The following DAGLA variants were observed in gnomAD, a reference collection of about 807,000 sequenced individuals.
DAGLA encodes diacylglycerol lipase-alpha.
DAGLA carries 22 observed loss-of-function variants against 102.6 expected under a neutral mutation model. That is an observed-to-expected ratio of 0.21 (90% CI 0.15 to 0.31). The LOEUF is 0.31. Among genes scored for constraint, DAGLA ranks in the 10% least tolerant of loss-of-function variants. DAGLA has a pLI of 1.00. For synonymous variants in DAGLA, 578 were observed against 628.9 expected, an observed-to-expected ratio of 0.92 and a Z score of 1.21; for missense variants, 927 against 1,446.6, an observed-to-expected ratio of 0.64 and a Z score of 5.83.
At chr11:61,691,900 T>C (rs2065027427) in intron 1 of DAGLA, among the ~76,000 whole-genome samples, 1 of 152,114 alleles carries the variant, frequency 6.6e-6, no homozygotes, top group Non-Finnish European at 1.5e-5. Flanking sequence ...TGAGGAGTGT[T>C]AGGAGGTGAC....
At chr11:61,696,652 G>A (rs112687416) in intron 1 of DAGLA, among the ~76,000 whole-genome samples, 4,431 of 152,140 alleles carry the variant, frequency 0.029, 85 homozygotes, top group Non-Finnish European at 0.04. Context: ...GTCAGCACCC[G>A]GATCCAAAGA....
chr11:61,740,447 T>C lies in DAGLA; in HGVS notation c.1854-16T>C, dbSNP rs773850723. 6.2e-7 allele frequency: 1 copy of C among 1,612,574 alleles called. No individual in the cohort carries two copies. The highest frequency in any genetic ancestry group is 1.7e-5 in the Admixed American group (1 of 59,990). On this transcript the variant is annotated splice_polypyrimidine_tract_variant and intron_variant, in intron 17 of 19. Transcript: ENST00000257215. ...CCACCCCACCCTTAACTCCCCTCTG[T>C]CCATGTCCCTCTCAGCTGCTGTGAG...
intron 1 of DAGLA, among the ~76,000 whole-genome samples, chr11:61,708,386 T>TC (rs2065167183): frequency 6.8e-6 from 1 of 146,206 alleles, no homozygotes; most frequent in African/African-American, 2.5e-5. Context: ...CTTTACAACT[T>TC]TTTTTTTTTT....
In DAGLA at chr11:61,701,534, T is replaced by C. The variant is rs2065110350; in HGVS notation, c.-44-18578T>C. On this transcript the variant is annotated intron_variant, in intron 1 of 19. Coordinates refer to ENST00000257215, the MANE Select transcript of DAGLA (RefSeq NM_006133.3). The stretch of plus-strand genomic sequence containing the variant: ...TGAGCCCCCATGTGGTGGGGATGTG[T>C]GCGCGCAGGGGCCCAAGGCTCTGCT... Among the ~76,000 whole-genome samples, 3 of 152,176 alleles carry C rather than the reference T, an allele frequency of 2.0e-5. 1 individual carries two copies. The South Asian group carries it at 6.2e-4, about 32-fold the overall frequency.
At chr11:61,712,957 A>G (rs2065207099) in intron 1 of DAGLA, among the ~76,000 whole-genome samples, 1 of 152,098 alleles carries the variant, frequency 6.6e-6, no homozygotes, top group Admixed American at 6.5e-5. Flanking sequence ...CGTGCAAACC[A>G]TTTTGCCTCT....
At chr11:61,735,359 G>A (rs1214616500) in intron 10 of DAGLA, among the ~76,000 whole-genome samples, 2 of 152,170 alleles carry the variant, frequency 1.3e-5, no homozygotes, top group Admixed American at 1.3e-4. Flanking sequence ...CCAGCAAGGA[G>A]CGGGGAGGGC....
rs762728145 is a variant in DAGLA, at chr11:61,737,325, G to T, written c.1514+1G>T. 1 of 1,610,208 alleles carries T rather than the reference G, an allele frequency of 6.2e-7. No homozygotes were observed. Among genetic ancestry groups the T allele is most frequent in the Non-Finnish European group, 8.5e-7 (1 of 1,180,012 alleles). ...ACTCCCCGCCAGGGGGCCTGCTGAG[G>T]TGAGCCATCTGGGGCTTCAGAGTTG... On this transcript the variant is annotated splice_donor_variant, in intron 14 of 19. Transcript: ENST00000257215. LOFTEE classifies it high-confidence loss of function.
intron 2 of DAGLA, among the ~76,000 whole-genome samples, 170 bp downstream of exon 2, chr11:61,720,420 CCTG>C (rs895193596): frequency 5.9e-5 from 9 of 152,198 alleles, no homozygotes; most frequent in African/African-American, 2.2e-4. Context: ...CAATGACACC[CCTG>C]CTACCATTGC....
rs1358091747 is a variant in DAGLA at position 61,741,325 on chromosome 11, C to T, written c.2147C>T (p.Ala716Val). 5.0e-6 allele frequency: 8 copies of T among 1,608,856 alleles called. No individual in the cohort carries two copies. The highest frequency in any genetic ancestry group is 4.0e-5 in the African/African-American group (3 of 75,036). Reference protein sequence around the residue: ...PTGLALELPTADHRNSSVRSK... With the variant: ...PTGLALELPTVDHRNSSVRSK... ...GGCCTTGCCCTGGAGCTGCCGACTGCAGACCACCGCAACAGCAGCGTCAGG... is the reference window on the plus strand; with the variant it reads ...GGCCTTGCCCTGGAGCTGCCGACTGTAGACCACCGCAACAGCAGCGTCAGG... The change falls in exon 19 of 20, where the codon GCA (alanine) becomes GTA (valine). Residue 716 changes from alanine to valine, a missense_variant. Transcript: ENST00000257215.
chr11:61,709,416 T>G (rs989576029), intron 1 of DAGLA, among the ~76,000 whole-genome samples: 1 of 152,144 alleles, frequency 6.6e-6, no homozygotes, highest in Non-Finnish European at 1.5e-5. Flanking sequence ...GCTAATTTTT[T>G]GTAGAGACGG....
intron 1 of DAGLA, among the ~76,000 whole-genome samples, chr11:61,706,226 C>T (rs2065148138): frequency 1.3e-5 from 2 of 152,218 alleles, no homozygotes; most frequent in South Asian, 2.1e-4. Flanking sequence ...GGAAGGGACT[C>T]AGGATCAAAT....
At chr11:61,705,963 G>A (rs951396501) in intron 1 of DAGLA, among the ~76,000 whole-genome samples, 1 of 152,204 alleles carries the variant, frequency 6.6e-6, no homozygotes, top group Non-Finnish European at 1.5e-5. Context: ...TTGCTCCTGG[G>A]CCAGCCCAGC....
At chr11:61,688,452 C>T (rs762973728) in intron 1 of DAGLA, among the ~76,000 whole-genome samples, 23 of 152,200 alleles carry the variant, frequency 1.5e-4, no homozygotes, top group Admixed American at 3.3e-4. Context: ...CACCCCAGCC[C>T]GGCAGATGAA....
At position 61,743,952 on chromosome 11, in the gene DAGLA, C is replaced by T. The variant is rs771392987; in HGVS notation, c.2592C>T (p.Gly864=). 9.3e-6 allele frequency: 15 copies of T among 1,611,860 alleles called. No homozygotes were observed. The highest frequency in any genetic ancestry group is 5.0e-5 in the Admixed American group (3 of 60,010). ...QPLEAALGSG[G]VTPERPPSAA... is the part of the protein sequence containing the mutation. ...TGGAGGCGGCCCTGGGCAGTGGCGG[C>T]GTCACTCCTGAGCGGCCCCCCAGTG... is the stretch of plus-strand genomic sequence containing the variant. The change falls in exon 20 of 20, where the codon GGC becomes GGT. Residue 864 remains glycine (G), a synonymous_variant. Transcript: ENST00000257215.
chr11:61,711,255 T>A (rs755256504), intron 1 of DAGLA, among the ~76,000 whole-genome samples: 15 of 152,098 alleles, frequency 9.9e-5, no homozygotes, highest in African/African-American at 1.4e-4. Flanking sequence ...GGCTTGGAGA[T>A]CCAGGCTGCC....
intron 1 of DAGLA, among the ~76,000 whole-genome samples, chr11:61,716,633 C>T (rs774570045): frequency 6.6e-6 from 1 of 152,132 alleles, no homozygotes; most frequent in Non-Finnish European, 1.5e-5. Context: ...TGCGTGGATT[C>T]AGAGAGGGCG....
intron 1 of DAGLA, among the ~76,000 whole-genome samples, chr11:61,703,626 T>C (rs1030394674): frequency 2.6e-5 from 4 of 152,052 alleles, no homozygotes; most frequent in African/African-American, 4.8e-5. Context: ...CTAAGTGTGA[T>C]GAACAGTGTA....
chr11:61,709,404 C>T (rs2065175696), intron 1 of DAGLA, among the ~76,000 whole-genome samples: 1 of 152,136 alleles, frequency 6.6e-6, no homozygotes, highest in South Asian at 2.1e-4. Context: ...CCACCACGCC[C>T]CGCTAATTTT....
At chr11:61,689,508 CTT>C (rs199969886) in intron 1 of DAGLA, among the ~76,000 whole-genome samples, 5 of 114,042 alleles carry the variant, frequency 4.4e-5, no homozygotes, top group Admixed American at 1.0e-4. Context: ...GTTTCCTCAT[CTT>C]TTTTTTTTTT....
Sources: allele counts gnomAD v4.1 joint callset (sites outside exome capture counted in the v4.1 genomes callset), GRCh38; gene constraint gnomAD v4.1.1; transcripts MANE v1.5; gene names NCBI Gene and HGNC (gene_info 2026-07-23, HGNC 2026-07-21).